The following ZNF285 variants were observed in gnomAD, a reference collection of about 807,000 sequenced individuals.
The protein encoded by ZNF285 is zinc finger protein 285A.
In ZNF285, 4 loss-of-function variants were observed where a neutral mutation model predicts 6.2. The ratio of observed to expected loss-of-function variants is 0.65; its 90% CI spans 0.32 to 1.49. The LOEUF is 1.49. Ranked by LOEUF, ZNF285 falls within the 40% of genes most tolerant of loss-of-function variation. The pLI, the probability that ZNF285 is intolerant of heterozygous loss-of-function variation, is 0.07. For missense variants in ZNF285, 695 were observed against 708.8 expected, an observed-to-expected ratio of 0.98 and a Z score of 0.22; for synonymous variants, 240 against 245.8, an observed-to-expected ratio of 0.98 and a Z score of 0.22.
rs1971022570 is a variant in ZNF285, at chr19:44,382,740, A to C, written c.*3732T>G. ...CTTCTTAAAGAGCAATTGTGAAGGCATCCATGTTGGTGAGGGAACAAATTG... is the reference window on the plus strand; with the variant it reads ...CTTCTTAAAGAGCAATTGTGAAGGCCTCCATGTTGGTGAGGGAACAAATTG... On this transcript the variant is annotated 3_prime_UTR_variant, in exon 4 of 4. Coordinates refer to ENST00000614994, the MANE Select transcript of ZNF285 (RefSeq NM_152354.6). 1 of 152,204 alleles carries C rather than the reference A, an allele frequency of 6.6e-6. No homozygotes were observed. Among genetic ancestry groups the C allele is most frequent in the African/African-American group, 2.4e-5 (1 of 41,460 alleles). 9.4% of individuals were successfully genotyped at this position (152,204 alleles called of 1,614,324 possible).
Position 44,387,113 on chromosome 19 carries a change from C to T in ZNF285, c.1132G>A (p.Gly378Arg). 4 of 1,614,160 alleles carry T rather than the reference C, an allele frequency of 2.5e-6. No individual in the cohort carries two copies. The highest frequency in any genetic ancestry group is 3.4e-6 in the Non-Finnish European group (4 of 1,180,028). ...GKKPYKCEECGKGFDQSSNLL... is the reference protein window; with the variant it reads ...GKKPYKCEECRKGFDQSSNLL... ...TTGGAGCTCTGATCAAAGCCCTTCC[C>T]ACACTCTTCACATTTATAGGGCTTT... is the stretch of plus-strand genomic sequence containing the variant. Residue 378 changes from glycine (G) to arginine (R), a missense_variant, in exon 4 of 4, where the codon GGG (glycine) becomes AGG (arginine). Physicochemically the swap from Gly to Arg is moderately radical, Grantham distance 125 (BLOSUM62 -2). Transcript: ENST00000614994.
chr19:44,388,986 C>A (rs1213048115), intron 3 of ZNF285, among the ~76,000 whole-genome samples: 2 of 144,534 alleles, frequency 1.4e-5, no homozygotes, highest in Non-Finnish European at 2.9e-5. Context: ...ATGATCCTGG[C>A]GTTGTGCGGG....
chr19:44,398,170 A>T (rs1326825558), intron 1 of ZNF285, among the ~76,000 whole-genome samples: 10 of 152,276 alleles, frequency 6.6e-5, no homozygotes, highest in African/African-American at 2.4e-4. Flanking sequence ...TGACACACCT[A>T]TGACATATAA....
intron 2 of ZNF285, among the ~76,000 whole-genome samples, chr19:44,395,652 T>C (rs1215280916): frequency 6.6e-6 from 1 of 152,142 alleles, no homozygotes; most frequent in Non-Finnish European, 1.5e-5. Context: ...GTGTGGTAAG[T>C]TAGACTGCTG....
intron 2 of ZNF285, 145 bp downstream of exon 2, chr19:44,397,054 C>A (rs1371787789): frequency 3.1e-5 from 38 of 1,211,818 alleles, no homozygotes; most frequent in Non-Finnish European, 4.4e-5. Flanking sequence ...AGTCAAACCA[C>A]CTGCCTCACA....
At position 44,386,271 on chromosome 19, in the gene ZNF285, T is replaced by C. The variant is rs1363798990; in HGVS notation, c.*201A>G. ...AAGTAACCTCTTTGCCATTGTAGCA[T>C]ACAGCAGTTGATGGGAGCTTCACAG... On this transcript the variant is annotated 3_prime_UTR_variant, in exon 4 of 4. Transcript: ENST00000614994. 1.5e-5 allele frequency: 9 copies of C among 586,600 alleles called. No homozygotes were observed. The highest frequency in any genetic ancestry group is 2.1e-5 in the Non-Finnish European group (7 of 340,480). The allele number at this position is 586,600 out of a possible 1,614,324, so 36.3% of individuals were successfully genotyped here. A position where few individuals can be genotyped will look rare whatever the true frequency, so the allele number is the denominator to read the frequency against.
At position 44,384,547 on chromosome 19, in the gene ZNF285, T is replaced by G. The variant is rs1220297243; in HGVS notation, c.*1925A>C. On this transcript the variant is annotated 3_prime_UTR_variant, in exon 4 of 4. Transcript: ENST00000614994. ...GAAAATGACACTTCAGGGATGGTTTTATTTGCACTTGAATGGCTGTTCTGT... is the reference window on the plus strand; with the variant it reads ...GAAAATGACACTTCAGGGATGGTTTGATTTGCACTTGAATGGCTGTTCTGT... 6.6e-6 allele frequency: 1 copy of G among 152,222 alleles called. No individual in the cohort carries two copies. The highest frequency in any genetic ancestry group is 1.5e-5 in the Non-Finnish European group (1 of 68,026). 9.4% of individuals were successfully genotyped at this position (152,222 alleles called of 1,614,324 possible).
Position 44,387,029 on chromosome 19 carries a change from C to G in ZNF285, c.1216G>C (p.Gly406Arg), listed in dbSNP as rs1022259987. Reference protein sequence around the residue: ...GEKPYKCSECGKCFSSSSVLQ... With the variant: ...GEKPYKCSECRKCFSSSSVLQ... ...ACGGAGCTTGAACTAAAGCACTTGC[C>G]ACACTCACTGCATTTGTAGGGCTTC... is the stretch of plus-strand genomic sequence containing the variant. The change falls in exon 4 of 4, where the codon GGC (glycine) becomes CGC (arginine). Residue 406 changes from glycine to arginine, a missense_variant. By Grantham distance (125) the Gly-to-Arg change is moderately radical. Transcript: ENST00000614994. 6.2e-7 allele frequency: 1 copy of G among 1,614,160 alleles called. No homozygotes were observed.
In ZNF285 at chr19:44,396,926, C is replaced by T. The variant is rs1177828421; in HGVS notation, c.15+273G>A. ...TGAACTTACTCTTGATTCTTTTTCC[C>T]TCATCGGGCAGTGATAAGCAGTTCA... On this transcript the variant is annotated intron_variant, in intron 2 of 3. Transcript: ENST00000614994. 1.9e-5 allele frequency: 8 copies of T among 429,828 alleles called. No individual in the cohort carries two copies. The East Asian group carries it at 2.9e-4, about 15-fold the overall frequency. 26.6% of individuals were successfully genotyped at this position (429,828 alleles called of 1,614,324 possible).
chr19:44,394,265 G>A (rs1230821566), intron 2 of ZNF285, among the ~76,000 whole-genome samples: 1 of 152,002 alleles, frequency 6.6e-6, no homozygotes, highest in Non-Finnish European at 1.5e-5. Context: ...CTGTTGTGGG[G>A]TGGGGGGAGT....
chr19:44,395,888 G>C (rs1282420334), intron 2 of ZNF285, among the ~76,000 whole-genome samples: 1 of 152,092 alleles, frequency 6.6e-6, no homozygotes, highest in Admixed American at 6.5e-5. Context: ...TAACCAAAAC[G>C]AGCAGAGTGC....
chr19:44,392,598 G>A, intron 2 of ZNF285, 132 bp from the exon 3 acceptor site: 1 of 1,553,770 alleles, frequency 6.4e-7, no homozygotes, highest in Middle Eastern at 1.7e-4. Context: ...CTGTCCTGGA[G>A]GTTGGAAAGT....
rs1456310345 is a variant in ZNF285, at chr19:44,382,950, T to C, written c.*3522A>G. 1.2e-4 allele frequency: 19 copies of C among 152,162 alleles called. No homozygotes were observed. Among genetic ancestry groups the C allele is most frequent in the Non-Finnish European group, 5.9e-5 (4 of 68,026 alleles). The allele number at this position is 152,162 out of a possible 1,614,324, so 9.4% of individuals were successfully genotyped here. A position where few individuals can be genotyped will look rare whatever the true frequency, so the allele number is the denominator to read the frequency against. ...GAATGTGGGAGTCTGAGGCCCCAGA[T>C]AGCTCCTCACCTAGGCATCCCAAAG... is the stretch of plus-strand genomic sequence containing the variant. On this transcript the variant is annotated 3_prime_UTR_variant, in exon 4 of 4. Transcript: ENST00000614994.
chr19:44,387,292 C>G lies in ZNF285; in HGVS notation c.953G>C (p.Cys318Ser), dbSNP rs1461075650. 2 of 1,614,014 alleles carry G rather than the reference C, an allele frequency of 1.2e-6. No individual in the cohort carries two copies. Among genetic ancestry groups the G allele is most frequent in the Non-Finnish European group, 8.5e-7 (1 of 1,180,024 alleles). The change falls in exon 4 of 4, where the codon TGT becomes TCT. Residue 318 changes from cysteine (C) to serine (S), a missense_variant. By Grantham distance (112) the Cys-to-Ser change is moderately radical (BLOSUM62 -1). Transcript: ENST00000614994. ...CCTGAAGCCCTTGCCACATTCTTTA[C>G]ATTTGTAGGGTTTGTCTCCTGAGGA... ...KVSSGDKPYK[C>S]KECGKGFRRS... is the part of the protein sequence containing the mutation.
At chr19:44,390,530 A>G (rs1444922942) in intron 3 of ZNF285, among the ~76,000 whole-genome samples, 1 of 152,174 alleles carries the variant, frequency 6.6e-6, no homozygotes, top group African/African-American at 2.4e-5. Flanking sequence ...TTGATTTTAC[A>G]GGCTCATAGA....
rs1971295484 is a variant in ZNF285, at chr19:44,397,206, T to G, written c.8A>C (p.Lys3Thr). The change falls in exon 2 of 4, where the codon AAG (lysine) becomes ACG (threonine). Residue 3 changes from lysine (K) to threonine (T), a missense_variant. Lys to Thr is a moderately conservative substitution (Grantham distance 78). Transcript: ENST00000614994. The stretch of plus-strand genomic sequence containing the variant: ...AAGAAACCCTTAACTTACCTGGAAC[T>G]TAATCATACCGTCTTCCTTTTGGAA... MI[K>T]FQERVTFKDV... 6.2e-7 allele frequency: 1 copy of G among 1,613,816 alleles called. No homozygotes were observed. Among genetic ancestry groups the G allele is most frequent in the African/African-American group, 1.3e-5 (1 of 74,864 alleles).
chr19:44,397,439 A>G (rs535513749), intron 1 of ZNF285, among the ~76,000 whole-genome samples, 183 bp from the exon 2 acceptor site: 1 of 152,200 alleles, frequency 6.6e-6, no homozygotes, highest in South Asian at 2.1e-4. Flanking sequence ...CCAGTCCCTC[A>G]ATCTCAGACC....
intron 3 of ZNF285, 129 bp downstream of exon 3, chr19:44,392,211 C>A: frequency 1.3e-6 from 2 of 1,531,792 alleles, no homozygotes; most frequent in Admixed American, 4.1e-5. Flanking sequence ...CTAACCTGCA[C>A]ATGCATCTCT....
At chr19:44,396,558 T>G (rs1971282869) in intron 2 of ZNF285, 1 of 152,490 alleles carries the variant, frequency 6.6e-6, no homozygotes, top group African/African-American at 2.4e-5. Flanking sequence ...CTGAAAGGTC[T>G]TATGAGCAGA....
Sources: gnomAD v4.1 joint callset for allele counts (sites outside exome capture counted in the v4.1 genomes callset) on GRCh38, gnomAD v4.1.1 for gene constraint, MANE v1.5 for transcripts, NCBI Gene and HGNC (gene_info 2026-07-23, HGNC 2026-07-21) for gene names.